Variants in HIVEP3 observed in about 807,000 individuals in gnomAD.
HIVEP3 encodes transcription factor HIVEP3.
In HIVEP3, 49 loss-of-function variants were observed where a neutral mutation model predicts 152.8. The ratio of observed to expected loss-of-function variants is 0.32; its 90% CI spans 0.26 to 0.41. The LOEUF is 0.41. Ranked by LOEUF, HIVEP3 falls within the 10% of genes least tolerant of loss-of-function variation. HIVEP3 has a pLI of 1.00. For missense variants in HIVEP3, 2,790 were observed against 3,103.3 expected (o/e 0.90, Z 2.40); for synonymous variants, 1,269 against 1,289.0 (o/e 0.98, Z 0.33).
intron 1 of HIVEP3, among the ~76,000 whole-genome samples, chr1:41,714,688 G>A (rs1179382218): frequency 6.6e-6 from 1 of 152,188 alleles, no homozygotes; most frequent in African/African-American, 2.4e-5. Flanking sequence ...GAAGGGCTTG[G>A]CCCCTGGGAG....
At chr1:41,936,011 G>A (rs565170848) in intron 1 of HIVEP3, among the ~76,000 whole-genome samples, 4 of 152,048 alleles carry the variant, frequency 2.6e-5, no homozygotes, top group African/African-American at 9.6e-5. Flanking sequence ...TGTAAAATAA[G>A]ATAGCAGACT....
intron 1 of HIVEP3, among the ~76,000 whole-genome samples, chr1:41,823,539 T>C (rs1343783575): frequency 6.6e-6 from 1 of 152,216 alleles, no homozygotes; most frequent in East Asian, 1.9e-4. Context: ...ATTTGCAGTT[T>C]GGAAAGAAGG....
intron 1 of HIVEP3, among the ~76,000 whole-genome samples, chr1:41,888,901 GTACACCATATAC>G (rs1644398515): frequency 1.0e-5 from 1 of 97,700 alleles, no homozygotes; most frequent in African/African-American, 4.1e-5. Flanking sequence ...CCCCACACAC[GTACACCATATAC>G]CTCACACACC....
At chr1:41,874,714 ACTGTGGAGT>A (rs1052594777) in intron 1 of HIVEP3, among the ~76,000 whole-genome samples, 14 of 152,304 alleles carry the variant, frequency 9.2e-5, no homozygotes, top group African/African-American at 3.4e-4. Flanking sequence ...GCTGGAAGGA[ACTGTGGAGT>A]CACTCAGTCC....
chr1:41,958,125 C>A (rs1645149501), intron 1 of HIVEP3, among the ~76,000 whole-genome samples: 1 of 152,170 alleles, frequency 6.6e-6, no homozygotes, highest in Non-Finnish European at 1.5e-5. Context: ...GAAAAGACTG[C>A]CCATTTTGAG....
chr1:41,621,316 T>C (rs757006829), intron 3 of HIVEP3, among the ~76,000 whole-genome samples: 3 of 152,248 alleles, frequency 2.0e-5, no homozygotes, highest in African/African-American at 4.8e-5. Flanking sequence ...GGAGGGTATG[T>C]GGACACACAT....
intron 1 of HIVEP3, among the ~76,000 whole-genome samples, chr1:41,872,139 A>T (rs1644092238): frequency 6.6e-6 from 1 of 152,198 alleles, no homozygotes; most frequent in African/African-American, 2.4e-5. Context: ...AATTTAAAGG[A>T]GTTTAATTGA....
chr1:41,985,003 C>G (rs528484160), intron 1 of HIVEP3, among the ~76,000 whole-genome samples: 3 of 150,940 alleles, frequency 2.0e-5, no homozygotes, highest in African/African-American at 7.3e-5. Context: ...CTGCTTTAGA[C>G]AGAATGGCAG....
At chr1:41,610,027 A>T (rs1348207774) in intron 3 of HIVEP3, among the ~76,000 whole-genome samples, 1 of 152,228 alleles carries the variant, frequency 6.6e-6, no homozygotes, top group African/African-American at 2.4e-5. Flanking sequence ...CCCAGAGGAC[A>T]GGGGAATGAT....
At chr1:41,982,733 A>G (rs1645300598) in intron 1 of HIVEP3, among the ~76,000 whole-genome samples, 1 of 152,204 alleles carries the variant, frequency 6.6e-6, no homozygotes, top group East Asian at 1.9e-4. Flanking sequence ...GAGGTGTATT[A>G]TTAAATCTGC....
Position 41,580,557 on chromosome 1 carries a change from C to T in HIVEP3, c.4241G>A (p.Ser1414Asn). The T allele has an allele frequency of 6.2e-7, 1 of 1,614,248 alleles. No homozygotes were observed. Among genetic ancestry groups the T allele is most frequent in the African/African-American group, 1.3e-5 (1 of 75,058 alleles). The part of the protein sequence containing the change: ...ERKGTSLSSE[S>N]ILSLEGSSST... ...TGAACTCCCCTCCAGGCTCAAGATA[C>T]TCTCTGATGACAGGGAAGTGCCTTT... The change falls in exon 4 of 9, where the codon AGT (serine) becomes AAT (asparagine). Residue 1414 changes from serine to asparagine, a missense_variant. Coordinates refer to ENST00000372583, the MANE Select transcript of HIVEP3 (RefSeq NM_024503.5).
chr1:41,651,982 C>A (rs945911033), intron 2 of HIVEP3, among the ~76,000 whole-genome samples: 1 of 152,164 alleles, frequency 6.6e-6, no homozygotes, highest in Non-Finnish European at 1.5e-5. Flanking sequence ...ACTAATAGTT[C>A]TTTAAATAAT....
At chr1:41,767,360 C>T (rs1274981243) in intron 1 of HIVEP3, among the ~76,000 whole-genome samples, 1 of 152,184 alleles carries the variant, frequency 6.6e-6, no homozygotes, top group Non-Finnish European at 1.5e-5. Flanking sequence ...GGTTTCATGG[C>T]GGGAGTGAAT....
intron 1 of HIVEP3, among the ~76,000 whole-genome samples, chr1:41,894,941 A>G (rs1644504365): frequency 6.6e-6 from 1 of 152,148 alleles, no homozygotes; most frequent in Admixed American, 6.5e-5. Flanking sequence ...CTTCCTGGCC[A>G]CTTTGCAGAA....
intron 2 of HIVEP3, among the ~76,000 whole-genome samples, chr1:41,648,367 A>G (rs1281805672): frequency 6.6e-6 from 1 of 152,064 alleles, no homozygotes; most frequent in African/African-American, 2.4e-5. Context: ...AACCATCATC[A>G]CCACCATCTT....
rs368365014 is a variant in HIVEP3 at position 41,885,299 on chromosome 1, T to TC, written c.-801+33113dup. Among the ~76,000 whole-genome samples, 41 of 152,032 alleles carry TC rather than the reference T, an allele frequency of 2.7e-4. No homozygotes were observed. In the East Asian group the frequency reaches 7.7e-3, roughly 29 times the overall value. ...CCCCATTTCTTATTTGGGTTAGGGA[T>TC]CCCCTAGGGCTGCTCAGTGGTAGGG... On this transcript the variant is annotated intron_variant, in intron 1 of 8. Coordinates refer to ENST00000372583, the MANE Select transcript of HIVEP3 (RefSeq NM_024503.5).
intron 1 of HIVEP3, among the ~76,000 whole-genome samples, chr1:41,952,331 G>A (rs373707359): frequency 2.6e-5 from 4 of 152,024 alleles, no homozygotes; most frequent in East Asian, 1.9e-4. Context: ...TCTCATCCTC[G>A]CTGCACCATT....
At chr1:41,876,883 G>T (rs180922867) in intron 1 of HIVEP3, among the ~76,000 whole-genome samples, 1 of 152,232 alleles carries the variant, frequency 6.6e-6, no homozygotes, top group East Asian at 1.9e-4. Flanking sequence ...GAAATTATCT[G>T]CTGTGCAGCC....
chr1:41,548,794 C>A (rs1569864335), intron 5 of HIVEP3, among the ~76,000 whole-genome samples: 1 of 152,276 alleles, frequency 6.6e-6, no homozygotes, highest in Non-Finnish European at 1.5e-5. Context: ...ACCTCAGCCT[C>A]CCAAAGTGCT....
Sources: gnomAD v4.1 joint callset for allele counts (sites outside exome capture counted in the v4.1 genomes callset) on GRCh38, gnomAD v4.1.1 for gene constraint, MANE v1.5 for transcripts, NCBI Gene and HGNC (gene_info 2026-07-23, HGNC 2026-07-21) for gene names.